Variants in ADGRL3 observed in about 807,000 individuals in gnomAD.
ADGRL3 encodes the protein calcium-independent alpha-latrotoxin receptor 3.
A neutral mutation model predicts 153.5 loss-of-function variants in ADGRL3; 62 were observed. The ratio of observed to expected loss-of-function variants is 0.40; its 90% confidence interval spans 0.33 to 0.50. The LOEUF (loss-of-function observed/expected upper bound fraction) is 0.50, where lower values mean the gene tolerates loss of function less well. Ranked by LOEUF, ADGRL3 falls within the 20% of genes least tolerant of loss-of-function variation. The pLI, the probability that ADGRL3 is intolerant of heterozygous loss-of-function variation, is 0.47. For synonymous variants in ADGRL3, 710 were observed against 672.5 expected (o/e 1.06, Z -0.86); for missense variants, 1,641 against 1,859.4 (o/e 0.88, Z 2.16).
chr4:61,891,152 T>G (rs1292656399), intron 9 of ADGRL3, among the ~76,000 whole-genome samples: 9 of 152,186 alleles, frequency 5.9e-5, no homozygotes, highest in Non-Finnish European at 1.0e-4. Context: ...CTGCTACTGC[T>G]TTCGTTAACA....
intron 2 of ADGRL3, among the ~76,000 whole-genome samples, chr4:61,400,808 CTAA>C (rs2096920956): frequency 1.1e-5 from 1 of 95,104 alleles, no homozygotes; most frequent in Non-Finnish European, 2.2e-5. Context: ...ATATGTGCAG[CTAA>C]AGTTACAAAA....
chr4:61,473,322 G>A lies in ADGRL3; in HGVS notation c.-173-23799G>A, dbSNP rs527240848. Among the ~76,000 whole-genome samples the A allele has an allele frequency of 5.3e-5, 8 of 151,890 alleles. No homozygotes were observed. In the South Asian group the frequency reaches 8.3e-4, roughly 16 times the overall value. On this transcript the variant is annotated intron_variant, in intron 2 of 26. Transcript: ENST00000683033. The stretch of plus-strand genomic sequence containing the variant: ...TTAGAGGTTTTTAAAAAAAGCCCTC[G>A]TGTTATTCACTTTTGTACCCTGGGT...
chr4:61,414,799 T>C (rs1356842486), intron 2 of ADGRL3, among the ~76,000 whole-genome samples: 1 of 152,040 alleles, frequency 6.6e-6, no homozygotes, highest in Non-Finnish European at 1.5e-5. Context: ...AAAGTGGTTT[T>C]TCATTTAGTG....
At chr4:61,756,973 C>T (rs1159312841) in intron 8 of ADGRL3, among the ~76,000 whole-genome samples, 4 of 152,172 alleles carry the variant, frequency 2.6e-5, no homozygotes, top group African/African-American at 9.7e-5. Flanking sequence ...ATGAAGCCCA[C>T]TTGATCATGG....
intron 13 of ADGRL3, among the ~76,000 whole-genome samples, chr4:61,913,221 A>G (rs1302375481): frequency 6.6e-6 from 1 of 152,136 alleles, no homozygotes; most frequent in Admixed American, 6.6e-5. Flanking sequence ...GATTGTGACT[A>G]TCTTACTCTC....
At chr4:61,990,975 T>C (rs1189675768) in intron 19 of ADGRL3, among the ~76,000 whole-genome samples, 1 of 151,300 alleles carries the variant, frequency 6.6e-6, no homozygotes, top group Non-Finnish European at 1.5e-5. Flanking sequence ...TGTGTGTGTG[T>C]GTGTGTGTGT....
intron 21 of ADGRL3, among the ~76,000 whole-genome samples, chr4:62,008,488 CAGT>C (rs2099169512): frequency 6.6e-6 from 1 of 152,100 alleles, no homozygotes; most frequent in African/African-American, 2.4e-5. Flanking sequence ...ACCTATTGAC[CAGT>C]AGATGTTTTC....
chr4:61,963,868 T>C (rs1232946321), intron 17 of ADGRL3, among the ~76,000 whole-genome samples: 1 of 152,162 alleles, frequency 6.6e-6, no homozygotes. Context: ...GAGAAACGTT[T>C]TGTAAGAAAA....
At chr4:62,063,480 C>G in intron 25 of ADGRL3, 2 of 485,830 alleles carry the variant, frequency 4.1e-6, no homozygotes, top group Non-Finnish European at 7.2e-6. Flanking sequence ...TTTTTTTTCT[C>G]TGTCTTTCTA....
intron 4 of ADGRL3, among the ~76,000 whole-genome samples, chr4:61,546,928 C>A (rs563774820): frequency 1.4e-4 from 21 of 152,144 alleles, no homozygotes; most frequent in African/African-American, 4.3e-4. Context: ...CATGAAAGTA[C>A]ACAAAAATAT....
chr4:61,272,280 A>T (rs1483228668), intron 1 of ADGRL3, among the ~76,000 whole-genome samples: 1 of 152,030 alleles, frequency 6.6e-6, no homozygotes, highest in Non-Finnish European at 1.5e-5. Flanking sequence ...AATTTTAATG[A>T]CAAAATTTTC....
chr4:61,363,341 T>A (rs1460104861), intron 1 of ADGRL3, among the ~76,000 whole-genome samples: 1 of 149,496 alleles, frequency 6.7e-6, no homozygotes. Context: ...AGCCGGTAAT[T>A]TTTTTTTTTT....
At chr4:61,211,395 T>C (rs1466376344) in intron 1 of ADGRL3, among the ~76,000 whole-genome samples, 7 of 152,324 alleles carry the variant, frequency 4.6e-5, no homozygotes, top group South Asian at 2.1e-4. Flanking sequence ...CTCAGACTTA[T>C]ACTGATCTAC....
At chr4:61,608,824 C>T (rs969427485) in intron 5 of ADGRL3, among the ~76,000 whole-genome samples, 7 of 152,132 alleles carry the variant, frequency 4.6e-5, no homozygotes, top group Non-Finnish European at 7.4e-5. Context: ...AGAACTATAA[C>T]GGATATTGAT....
intron 6 of ADGRL3, among the ~76,000 whole-genome samples, chr4:61,684,502 C>T (rs1277364363): frequency 6.6e-6 from 1 of 151,860 alleles, no homozygotes; most frequent in East Asian, 1.9e-4. Flanking sequence ...AGTATTGTTA[C>T]CAAGGAAGAA....
chr4:61,761,880 A>G (rs1240071887), intron 8 of ADGRL3, among the ~76,000 whole-genome samples: 1 of 152,114 alleles, frequency 6.6e-6, no homozygotes, highest in East Asian at 1.9e-4. Flanking sequence ...GCAGTGAGCT[A>G]TGATCACACC....
At chr4:61,895,195 C>T (rs2098620863) in intron 10 of ADGRL3, among the ~76,000 whole-genome samples, 2 of 152,088 alleles carry the variant, frequency 1.3e-5, no homozygotes, top group Admixed American at 6.6e-5. Context: ...CGGCTGGACA[C>T]GGTGGCTCAC....
At chr4:61,714,971 T>C (rs1306156765) in intron 6 of ADGRL3, among the ~76,000 whole-genome samples, 2 of 152,202 alleles carry the variant, frequency 1.3e-5, no homozygotes, top group Non-Finnish European at 2.9e-5. Flanking sequence ...TCAAAACATT[T>C]GTAGGCATCA....
In ADGRL3 at chr4:61,876,748, A is replaced by C. The variant is rs138996322; in HGVS notation, c.1481-15908A>C. On this transcript the variant is annotated intron_variant, in intron 9 of 26. Coordinates refer to ENST00000683033, the MANE Select transcript of ADGRL3 (RefSeq NM_001387552.1). ...AAAGTATAATAAAAAAAATAAAATA[A>C]AATAAAATAAAATGGGGAGGCATGA... Among the ~76,000 whole-genome samples, 1,288 of 151,792 alleles carry C rather than the reference A, an allele frequency of 8.5e-3. 16 individuals are homozygous for C. The highest frequency in any genetic ancestry group is 0.03 in the African/African-American group (1,243 of 41,460).
Sources: gnomAD v4.1 joint callset for allele counts (sites outside exome capture counted in the v4.1 genomes callset) on GRCh38, gnomAD v4.1.1 for gene constraint, MANE v1.5 for transcripts, NCBI Gene and HGNC (gene_info 2026-07-23, HGNC 2026-07-21) for gene names.